The following SMIM27 variants were observed in gnomAD, a reference collection of about 807,000 sequenced individuals.
The protein encoded by SMIM27 is transition zone microprotein 1.
SMIM27 carries 3 observed loss-of-function variants against 1.8 expected under a neutral mutation model. The observed-to-expected ratio is 1.65, with a 90% CI of 0.75 to 4.28. The LOEUF (loss-of-function observed/expected upper bound fraction) is 4.28. Among genes scored for constraint, SMIM27 ranks in the 30% most tolerant of loss-of-function variants. SMIM27 has a pLI of 0.02. For synonymous variants in SMIM27, 19 were observed against 13.9 expected (o/e 1.37, Z -0.82); for missense variants, 63 against 37.0 (o/e 1.70, Z -1.83).
intron 1 of SMIM27, among the ~76,000 whole-genome samples, chr9:32,564,059 G>C (rs1286212211): frequency 6.6e-6 from 1 of 152,136 alleles, no homozygotes; most frequent in Non-Finnish European, 1.5e-5. Context: ...TAGCTTCTAA[G>C]TGTGCTAATT....
chr9:32,566,615 A>C, exon 2 of SMIM27: 1 of 788,536 alleles, frequency 1.3e-6, no homozygotes, highest in East Asian at 2.4e-5. Context: ...ATTCCTCCTG[A>C]GCCTCTGCAC....
intron 1 of SMIM27, among the ~76,000 whole-genome samples, chr9:32,558,135 G>A (rs1204615946): frequency 7.7e-5 from 3 of 38,958 alleles, no homozygotes; most frequent in South Asian, 8.9e-4. Context: ...TTTTTGAGAC[G>A]GAGTCTCGCT....
downstream of SMIM27, among the ~76,000 whole-genome samples, chr9:32,557,489 CTTTT>C (rs376298827): frequency 6.7e-6 from 1 of 148,172 alleles, no homozygotes; most frequent in Admixed American, 6.7e-5. Context: ...TTCCTTTTTC[CTTTT>C]TTTTTGAGAT....
At chr9:32,554,332 A>G (rs898083151), downstream of SMIM27, among the ~76,000 whole-genome samples, 3 of 152,226 alleles carry the variant, frequency 2.0e-5, no homozygotes, top group Admixed American at 1.3e-4. Context: ...TGTGTTACGC[A>G]ATCACCAGTT....
chr9:32,553,194 G>C, downstream of SMIM27: 1 of 301,442 alleles, frequency 3.3e-6, no homozygotes, highest in Non-Finnish European at 6.1e-6. Flanking sequence ...AAATGATTCG[G>C]AAAGCTTTTT....
At chr9:32,553,137 G>C, downstream of SMIM27, 2 of 434,056 alleles carry the variant, frequency 4.6e-6, no homozygotes, top group Non-Finnish European at 8.2e-6. Flanking sequence ...TTGAGTGTCA[G>C]ATCATAGTTG....
chr9:32,566,589 C>T (rs13284123), exon 2 of SMIM27: 11,650 of 783,846 alleles, frequency 0.015, 132 homozygotes, highest in Middle Eastern at 0.029. Context: ...GCACATGGAG[C>T]GGAGGACCCG....
chr9:32,563,490 G>GTTTTTTTTT (rs1239149080), intron 1 of SMIM27, among the ~76,000 whole-genome samples: 2 of 47,562 alleles, frequency 4.2e-5, no homozygotes, highest in Admixed American at 1.7e-4. Context: ...GGACTATTGG[G>GTTTTTTTTT]CTTTTTTTTT....
chr9:32,561,549 G>A (rs1011339818), intron 1 of SMIM27, among the ~76,000 whole-genome samples: 14 of 151,820 alleles, frequency 9.2e-5, no homozygotes, highest in Non-Finnish European at 1.5e-4. Flanking sequence ...GGCTGGTCTC[G>A]AACCTCTGAG....
At chr9:32,553,989 A>G (rs768417322), downstream of SMIM27, 1 of 1,225,744 alleles carries the variant, frequency 8.2e-7, no homozygotes, top group South Asian at 1.2e-5. Flanking sequence ...TTAAGTCTAC[A>G]GAGGTGATAG....
At chr9:32,563,905 T>C (rs1281889928) in intron 1 of SMIM27, among the ~76,000 whole-genome samples, 1 of 152,216 alleles carries the variant, frequency 6.6e-6, no homozygotes, top group Non-Finnish European at 1.5e-5. Flanking sequence ...TATGTTCCCA[T>C]CATTCTTTCA....
chr9:32,552,311 G>C (rs2118987066), upstream of SMIM27: 1 of 1,393,890 alleles, frequency 7.2e-7, no homozygotes, highest in African/African-American at 1.4e-5. Flanking sequence ...TGCACGAAGC[G>C]AGTGGGCGGG....
At chr9:32,560,862 GA>G (rs1428884678) in intron 1 of SMIM27, among the ~76,000 whole-genome samples, 1 of 151,918 alleles carries the variant, frequency 6.6e-6, no homozygotes, top group Non-Finnish European at 1.5e-5. Flanking sequence ...AAAGAATTAG[GA>G]AAAAAATATG....
At chr9:32,566,083 A>T in intron 1 of SMIM27, 3 of 404,740 alleles carry the variant, frequency 7.4e-6, no homozygotes, top group Non-Finnish European at 1.3e-5. Flanking sequence ...AAAAAAAAAA[A>T]GGCACCTGTT....
At chr9:32,566,136 G>A in intron 1 of SMIM27, 2 of 634,258 alleles carry the variant, frequency 3.2e-6, no homozygotes, top group East Asian at 2.6e-5. Flanking sequence ...ACGAGAATAT[G>A]GTGTGTATAT....
chr9:32,555,030 G>T (rs1821417160), downstream of SMIM27, among the ~76,000 whole-genome samples: 1 of 152,002 alleles, frequency 6.6e-6, no homozygotes. Flanking sequence ...GATTTGAGAG[G>T]CGACATAAAA....
At chr9:32,558,286 T>G (rs1352867541) in intron 1 of SMIM27, among the ~76,000 whole-genome samples, 1 of 152,114 alleles carries the variant, frequency 6.6e-6, no homozygotes, top group East Asian at 1.9e-4. Context: ...TAATTTTTTG[T>G]ATTTTCAGTA....
chr9:32,552,787 G>C lies in SMIM27; in HGVS notation c.46-14G>C, dbSNP rs751035109. The stretch of plus-strand genomic sequence containing the variant: ...CAGGTAGATTTCACACCTCCTTTGC[G>C]ATTTTTGGTTTAGTTGCTGCTTGCC... On this transcript the variant is annotated splice_polypyrimidine_tract_variant and intron_variant, in intron 1 of 1. Transcript: ENST00000692500. 4.3e-6 allele frequency: 3 copies of C among 699,310 alleles called. No homozygotes were observed. Among genetic ancestry groups the C allele is most frequent in the South Asian group, 3.0e-5 (2 of 66,544 alleles). The allele number at this position is 699,310 out of a possible 1,614,324, so 43.3% of individuals were successfully genotyped here.
intron 1 of SMIM27, chr9:32,559,005 G>A: frequency 4.5e-6 from 6 of 1,341,918 alleles, no homozygotes; most frequent in Non-Finnish European, 6.2e-6. Flanking sequence ...AGTTTCTTCT[G>A]AAAATAAGAA....
Sources: allele counts gnomAD v4.1 joint callset (sites outside exome capture counted in the v4.1 genomes callset), GRCh38; gene constraint gnomAD v4.1.1; transcripts MANE v1.5; gene names NCBI Gene and HGNC (gene_info 2026-07-23, HGNC 2026-07-21).